The following PDE1C variants were observed in gnomAD, a reference collection of about 807,000 sequenced individuals.
PDE1C encodes the protein phosphodiesterase 1C.
A neutral mutation model predicts 93.1 loss-of-function variants in PDE1C; 62 were observed. The ratio of observed to expected loss-of-function variants is 0.67; its 90% CI spans 0.54 to 0.82. PDE1C has a LOEUF of 0.82. Ranked by LOEUF, PDE1C falls within the 40% of genes least tolerant of loss-of-function variation. The probability of loss-of-function intolerance (pLI) is 0.00; values close to 1 mark genes in which losing one functional copy is unlikely to be tolerated. For synonymous variants in PDE1C, 325 were observed against 310.1 expected (o/e 1.05, Z -0.50); for missense variants, 742 against 884.6 (o/e 0.84, Z 2.04).
At chr7:32,255,750 C>A (rs1023703864) in intron 1 of PDE1C, among the ~76,000 whole-genome samples, 1 of 152,128 alleles carries the variant, frequency 6.6e-6, no homozygotes, top group African/African-American at 2.4e-5. Flanking sequence ...AGTACAGAGG[C>A]AGAACAATAG....
At chr7:32,261,956 T>C (rs1810233806) in intron 1 of PDE1C, among the ~76,000 whole-genome samples, 1 of 150,974 alleles carries the variant, frequency 6.6e-6, no homozygotes, top group African/African-American at 2.4e-5. Flanking sequence ...TTTACAAACA[T>C]GGTGTGCTGA....
intron 2 of PDE1C, among the ~76,000 whole-genome samples, chr7:32,030,016 CAT>C (rs780627586): frequency 5.3e-5 from 8 of 151,266 alleles, no homozygotes; most frequent in Middle Eastern, 3.2e-3. Context: ...TATGAGCTGA[CAT>C]AGAAAAATAT....
intron 1 of PDE1C, among the ~76,000 whole-genome samples, chr7:32,293,625 T>C (rs1812467469): frequency 6.6e-6 from 1 of 152,080 alleles, no homozygotes; most frequent in Admixed American, 6.5e-5. Flanking sequence ...GATAATGTGA[T>C]TTGCCCATGG....
At chr7:32,133,632 C>T (rs563991973) in intron 3 of PDE1C, among the ~76,000 whole-genome samples, 41 of 152,270 alleles carry the variant, frequency 2.7e-4, no homozygotes, top group African/African-American at 8.9e-4. Context: ...ACCCACCACA[C>T]GCATGACAGC....
intron 3 of PDE1C, among the ~76,000 whole-genome samples, chr7:32,115,805 G>A (rs1293547394): frequency 6.6e-6 from 1 of 152,108 alleles, no homozygotes; most frequent in African/African-American, 2.4e-5. Flanking sequence ...CCAGCTCTCT[G>A]AGGAAAGAAA....
chr7:31,908,842 T>C (rs184265417), intron 2 of PDE1C, among the ~76,000 whole-genome samples: 63 of 152,302 alleles, frequency 4.1e-4, no homozygotes, highest in African/African-American at 1.3e-3. Context: ...CGTGAAGGTA[T>C]TTTGTAAATG....
At chr7:31,756,612 G>A (rs1426818076) in intron 17 of PDE1C, among the ~76,000 whole-genome samples, 3 of 150,956 alleles carry the variant, frequency 2.0e-5, no homozygotes, top group Non-Finnish European at 4.4e-5. Context: ...ATAATAATAA[G>A]GACAGCATCT....
At chr7:31,878,081 T>C (rs763156494) in intron 4 of PDE1C, 45 bp from the exon 5 acceptor site, 2 of 1,376,752 alleles carry the variant, frequency 1.5e-6, no homozygotes, top group South Asian at 2.4e-5. Context: ...TCTTATAAAG[T>C]AGGATTTGTA....
rs924308558 is a variant in PDE1C at position 32,406,913 on chromosome 7, C to G, written c.310+20909G>C. ...CTTTACATTAAACTCAGAAACTTCC[C>G]AACGATAGCAAGGGAGTCACTTCCT... is the stretch of plus-strand genomic sequence containing the variant. On this transcript the variant is annotated intron_variant, in intron 1 of 1. Coordinates refer to the PDE1C transcript ENST00000672256. Among the ~76,000 whole-genome samples, 8 of 152,236 alleles carry G rather than the reference C, an allele frequency of 5.3e-5. No homozygotes were observed. In the South Asian group the frequency reaches 1.7e-3, roughly 32 times the overall value.
intron 2 of PDE1C, among the ~76,000 whole-genome samples, chr7:32,049,939 C>T (rs1793122723): frequency 6.6e-6 from 1 of 152,150 alleles, no homozygotes; most frequent in African/African-American, 2.4e-5. Context: ...ATTAAGTGTA[C>T]TTACACAAAC....
At chr7:32,308,488 T>A (rs541368737) in intron 1 of PDE1C, among the ~76,000 whole-genome samples, 6 of 151,470 alleles carry the variant, frequency 4.0e-5, no homozygotes, top group Admixed American at 3.9e-4. Flanking sequence ...CCCCCAGTAG[T>A]GGCAGACTGA....
intron 3 of PDE1C, among the ~76,000 whole-genome samples, chr7:32,135,577 A>G (rs964814534): frequency 1.3e-5 from 2 of 152,182 alleles, no homozygotes; most frequent in Non-Finnish European, 2.9e-5. Context: ...ATTACTTTAC[A>G]CCTGTTAAGT....
upstream of PDE1C, among the ~76,000 whole-genome samples, chr7:32,074,563 C>T (rs1485270809): frequency 6.6e-6 from 1 of 152,180 alleles, no homozygotes; most frequent in Non-Finnish European, 1.5e-5. Context: ...CTTGCCTTTG[C>T]TATACCACCT....
At chr7:31,801,063 G>A (rs976137998) in intron 16 of PDE1C, among the ~76,000 whole-genome samples, 2 of 150,024 alleles carry the variant, frequency 1.3e-5, no homozygotes, top group African/African-American at 2.4e-5. Flanking sequence ...ATCTCAAATC[G>A]GTAACCATGA....
chr7:31,664,672 G>A, the PDE1C span, among the ~76,000 whole-genome samples: 1 of 152,158 alleles, frequency 6.6e-6, no homozygotes, highest in Non-Finnish European at 1.5e-5. Context: ...CAACGGCACA[G>A]AACCTCATCC....
At chr7:31,653,076 C>G in the PDE1C span, 2 of 904,452 alleles carry the variant, frequency 2.2e-6, no homozygotes. Context: ...AGTATACGGT[C>G]TCTGCCCTGC....
intron 1 of PDE1C, among the ~76,000 whole-genome samples, chr7:32,331,887 A>T (rs920030154): frequency 1.3e-5 from 2 of 152,182 alleles, no homozygotes; most frequent in Non-Finnish European, 2.9e-5. Context: ...GGCCAGTCCT[A>T]TCCCTTGATA....
At chr7:31,734,920 A>G in the PDE1C span, among the ~76,000 whole-genome samples, 1 of 152,206 alleles carries the variant, frequency 6.6e-6, no homozygotes, top group Non-Finnish European at 1.5e-5. Context: ...TGCCGAGACT[A>G]TTTTAAAAGT....
At chr7:31,696,409 T>A in the PDE1C span, among the ~76,000 whole-genome samples, 1 of 152,202 alleles carries the variant, frequency 6.6e-6, no homozygotes, top group South Asian at 2.1e-4. Flanking sequence ...TAAAAAGGAC[T>A]GTTGGAGCTC....
Sources: gnomAD v4.1 joint callset for allele counts (sites outside exome capture counted in the v4.1 genomes callset) on GRCh38, gnomAD v4.1.1 for gene constraint, MANE v1.5 for transcripts, NCBI Gene and HGNC (gene_info 2026-07-23, HGNC 2026-07-21) for gene names.